Variants in RGS6 observed in about 807,000 individuals in gnomAD.
RGS6 encodes the protein regulator of G protein signaling 6.
Under a neutral mutation model 78.5 loss-of-function variants are expected in RGS6, and 30 were observed. That is an observed-to-expected ratio of 0.38 (90% confidence interval 0.29 to 0.52). The LOEUF is 0.52. Ranked by LOEUF, RGS6 falls within the 20% of genes least tolerant of loss-of-function variation. The pLI is 0.85. For synonymous variants in RGS6, 206 were observed against 206.0 expected, an observed-to-expected ratio of 1.00 and a Z score of 0.00; for missense variants, 495 against 609.7, an observed-to-expected ratio of 0.81 and a Z score of 1.98.
At chr14:72,086,176 C>G (rs1217502654) in intron 2 of RGS6, among the ~76,000 whole-genome samples, 3 of 152,214 alleles carry the variant, frequency 2.0e-5, no homozygotes, top group Non-Finnish European at 4.4e-5. Flanking sequence ...TGCAACTGTG[C>G]TGACCAGTTT....
At chr14:72,054,188 A>G (rs2093489554) in intron 2 of RGS6, among the ~76,000 whole-genome samples, 1 of 152,236 alleles carries the variant, frequency 6.6e-6, no homozygotes. Context: ...TTACAGAAAT[A>G]TAAAGAGTAT....
chr14:72,187,282 C>G (rs2097260682), intron 2 of RGS6, among the ~76,000 whole-genome samples: 1 of 152,182 alleles, frequency 6.6e-6, no homozygotes, highest in South Asian at 2.1e-4. Flanking sequence ...CTGTGTATAA[C>G]TACTCATGTA....
At chr14:72,189,065 G>T (rs916980248) in intron 2 of RGS6, among the ~76,000 whole-genome samples, 3 of 152,158 alleles carry the variant, frequency 2.0e-5, no homozygotes, top group African/African-American at 7.2e-5. Flanking sequence ...TCCCGTACAG[G>T]CTCAGATAGT....
At chr14:72,013,142 G>A (rs1442676984) in intron 2 of RGS6, among the ~76,000 whole-genome samples, 9 of 151,672 alleles carry the variant, frequency 5.9e-5, no homozygotes, top group African/African-American at 1.2e-4. Context: ...GTGGTGGTAC[G>A]TGCCTGTAAT....
chr14:72,195,402 C>T (rs1227114778), intron 2 of RGS6, among the ~76,000 whole-genome samples: 1 of 152,012 alleles, frequency 6.6e-6, no homozygotes, highest in East Asian at 1.9e-4. Context: ...ATATACATTT[C>T]AAAGTATCAG....
chr14:71,895,511 T>C, the RGS6 span, among the ~76,000 whole-genome samples: 1 of 152,144 alleles, frequency 6.6e-6, no homozygotes, highest in Non-Finnish European at 1.5e-5. Context: ...TTTAAGAGAA[T>C]GTCTAGGTAA....
At chr14:72,256,615 C>T (rs1194393864) in intron 2 of RGS6, among the ~76,000 whole-genome samples, 1 of 152,046 alleles carries the variant, frequency 6.6e-6, no homozygotes, top group Non-Finnish European at 1.5e-5. Flanking sequence ...GTTTTCAGTC[C>T]CTAAACAAGG....
chr14:72,061,097 T>C (rs1325662968), intron 2 of RGS6, among the ~76,000 whole-genome samples: 1 of 152,242 alleles, frequency 6.6e-6, no homozygotes, highest in Non-Finnish European at 1.5e-5. Flanking sequence ...TGTGTCTTGC[T>C]GTGGCTAATG....
chr14:72,556,424 C>T (rs182150158), intron 17 of RGS6, among the ~76,000 whole-genome samples: 56 of 152,280 alleles, frequency 3.7e-4, no homozygotes, highest in Middle Eastern at 3.4e-3. Flanking sequence ...TTCCCGCTCT[C>T]AACACATGGG....
At chr14:72,020,924 T>A (rs570309666) in intron 2 of RGS6, among the ~76,000 whole-genome samples, 75 of 152,168 alleles carry the variant, frequency 4.9e-4, no homozygotes, top group Non-Finnish European at 1.0e-3. Context: ...CTATGCATGA[T>A]GAACTGGTCA....
At chr14:71,968,209 A>G (rs1205451754) in intron 2 of RGS6, among the ~76,000 whole-genome samples, 1 of 152,174 alleles carries the variant, frequency 6.6e-6, no homozygotes, top group South Asian at 2.1e-4. Context: ...GCTATACATC[A>G]CATCATTTAG....
At chr14:72,278,909 C>A (rs1190969806) in intron 2 of RGS6, among the ~76,000 whole-genome samples, 7 of 152,108 alleles carry the variant, frequency 4.6e-5, no homozygotes, top group Admixed American at 4.6e-4. Flanking sequence ...CACTTCCTGG[C>A]TGTGGGCAGT....
the RGS6 span, among the ~76,000 whole-genome samples, chr14:72,618,377 C>T: frequency 6.6e-6 from 1 of 152,210 alleles, no homozygotes; most frequent in Admixed American, 6.5e-5. Flanking sequence ...GGGCAGCCTT[C>T]GCTCCCCTTC....
chr14:72,486,931 G>C (rs528771861), intron 12 of RGS6, among the ~76,000 whole-genome samples: 2 of 152,110 alleles, frequency 1.3e-5, no homozygotes, highest in African/African-American at 4.8e-5. Flanking sequence ...TCTGCCCAGC[G>C]TGGGGTGTTC....
intron 10 of RGS6, among the ~76,000 whole-genome samples, chr14:72,475,429 A>G (rs1443375375): frequency 6.6e-6 from 1 of 151,992 alleles, no homozygotes; most frequent in African/African-American, 2.4e-5. Flanking sequence ...AGACTCCGTA[A>G]TATTAATTTC....
chr14:72,311,062 T>C (rs1432871999), intron 2 of RGS6, among the ~76,000 whole-genome samples: 3 of 152,220 alleles, frequency 2.0e-5, no homozygotes, highest in Non-Finnish European at 4.4e-5. Flanking sequence ...ATGTGTGCGA[T>C]CACTCTAGCC....
the RGS6 span, among the ~76,000 whole-genome samples, chr14:71,916,250 G>A: frequency 1.3e-5 from 2 of 152,144 alleles, no homozygotes; most frequent in African/African-American, 4.8e-5. Flanking sequence ...AAAAGTAGAT[G>A]GAAAGAGCTG....
chr14:72,514,179 G>A (rs2153453442), intron 14 of RGS6: 1 of 152,242 alleles, frequency 6.6e-6, no homozygotes, highest in African/African-American at 2.4e-5. Flanking sequence ...CGGAATTTTA[G>A]CCCCACCGGG....
intron 2 of RGS6, among the ~76,000 whole-genome samples, chr14:71,971,405 C>G (rs1166139392): frequency 6.6e-6 from 1 of 152,232 alleles, no homozygotes; most frequent in African/African-American, 2.4e-5. Context: ...TGTTGATTCT[C>G]TCAAGGCAGA....
Sources: gnomAD v4.1 joint callset for allele counts (sites outside exome capture counted in the v4.1 genomes callset) on GRCh38, gnomAD v4.1.1 for gene constraint, MANE v1.5 for transcripts, NCBI Gene and HGNC (gene_info 2026-07-23, HGNC 2026-07-21) for gene names.